NRP1: variants seen among roughly 807,000 people sequenced by gnomAD.
NRP1 encodes the protein neuropilin 1.
A neutral mutation model predicts 106.7 loss-of-function variants in NRP1; 35 were observed. That is an observed-to-expected ratio of 0.33 (90% CI 0.25 to 0.43). NRP1 has a LOEUF of 0.43. Among genes scored for constraint, NRP1 ranks in the 20% least tolerant of loss-of-function variants. The pLI is 1.00. For synonymous variants in NRP1, 437 were observed against 417.9 expected (o/e 1.05, Z -0.56); for missense variants, 1,024 against 1,170.4 (o/e 0.87, Z 1.83).
intron 2 of NRP1, among the ~76,000 whole-genome samples, chr10:33,327,521 T>C (rs2132941108): frequency 6.6e-6 from 1 of 152,320 alleles, no homozygotes; most frequent in Non-Finnish European, 1.5e-5. Flanking sequence ...CCTAGTTTTG[T>C]GCCACCTCCA....
At chr10:33,246,618 C>G (rs1841451323) in intron 6 of NRP1, among the ~76,000 whole-genome samples, 1 of 138,234 alleles carries the variant, frequency 7.2e-6, no homozygotes, top group Non-Finnish European at 1.6e-5. Flanking sequence ...ACAGAGCACA[C>G]CTGGGGAATC....
intron 8 of NRP1, among the ~76,000 whole-genome samples, chr10:33,215,950 T>TG (rs1419759337): frequency 1.3e-5 from 2 of 152,182 alleles, no homozygotes; most frequent in African/African-American, 4.8e-5. Context: ...GGGAGCTTTC[T>TG]TTCTGTTCCC....
intron 4 of NRP1, among the ~76,000 whole-genome samples, chr10:33,260,985 C>CAAA (rs35665366): frequency 0.025 from 1,515 of 60,050 alleles, 127 homozygotes; most frequent in Non-Finnish European, 0.032. Context: ...TGCCATTGAC[C>CAAA]AAAAAAAAAA....
In NRP1 at chr10:33,272,130, C is replaced by T. The variant is rs75811457; in HGVS notation, c.249-1274G>A. On this transcript the variant is annotated intron_variant, in intron 2 of 16. Transcript: ENST00000374867. Reference sequence around the variant, plus strand: ...CAATCTCTTCTCAAACTGCCCGGGACGCATGACTTATGTTTACATAAAGTC... The same window carrying T: ...CAATCTCTTCTCAAACTGCCCGGGATGCATGACTTATGTTTACATAAAGTC... 9.9e-5 allele frequency among the ~76,000 whole-genome samples: 15 copies of T among 152,258 alleles called. No homozygotes were observed. The East Asian group carries it at 2.9e-3, about 29-fold the overall frequency.
At position 33,226,119 on chromosome 10, in the gene NRP1, G is replaced by A. The variant is rs1459031575; in HGVS notation, c.1137+15C>T. The A allele has an allele frequency of 5.0e-6, 8 of 1,612,834 alleles. No individual in the cohort carries two copies. The highest frequency in any genetic ancestry group is 5.9e-6 in the Non-Finnish European group (7 of 1,179,188). On this transcript the variant is annotated intron_variant, in intron 7 of 16. Transcript: ENST00000374867. ...AAAAGACCAAATTGGTTGCCACGGTGGCAGCCTAACTTACAACAGGTTTGT... is the reference window on the plus strand; with the variant it reads ...AAAAGACCAAATTGGTTGCCACGGTAGCAGCCTAACTTACAACAGGTTTGT...
chr10:33,309,440 G>A (rs995560136), intron 2 of NRP1, among the ~76,000 whole-genome samples: 1 of 152,144 alleles, frequency 6.6e-6, no homozygotes. Context: ...AGAAATGCGC[G>A]GTGTCTCTTC....
At chr10:33,264,518 T>C (rs1388123567) in intron 3 of NRP1, among the ~76,000 whole-genome samples, 1 of 152,240 alleles carries the variant, frequency 6.6e-6, no homozygotes, top group Non-Finnish European at 1.5e-5. Context: ...GGAAGTCACC[T>C]GATATCAATG....
At chr10:33,234,145 G>C (rs1437867933) in intron 6 of NRP1, among the ~76,000 whole-genome samples, 4 of 152,130 alleles carry the variant, frequency 2.6e-5, no homozygotes, top group African/African-American at 7.2e-5. Flanking sequence ...GAAATTCATA[G>C]TGCAACCTCT....
chr10:33,327,247 T>A (rs1847954898), intron 2 of NRP1, among the ~76,000 whole-genome samples: 1 of 152,158 alleles, frequency 6.6e-6, no homozygotes, highest in African/African-American at 2.4e-5. Flanking sequence ...GTTCTAAAAA[T>A]CACCAACTTG....
intron 2 of NRP1, among the ~76,000 whole-genome samples, chr10:33,330,307 T>C (rs1848181459): frequency 6.6e-6 from 1 of 151,818 alleles, no homozygotes; most frequent in Non-Finnish European, 1.5e-5. Context: ...AATCACACTA[T>C]CTGTGGATGC....
intron 2 of NRP1, among the ~76,000 whole-genome samples, chr10:33,314,689 G>C (rs1191987525): frequency 1.3e-5 from 2 of 152,102 alleles, no homozygotes; most frequent in African/African-American, 4.8e-5. Context: ...AGAGGGGAGA[G>C]CCCAGGCAGC....
chr10:33,303,392 A>G (rs1276796284), intron 2 of NRP1, among the ~76,000 whole-genome samples: 1 of 152,184 alleles, frequency 6.6e-6, no homozygotes, highest in Non-Finnish European at 1.5e-5. Context: ...TCCATTTACT[A>G]TCTCATTATT....
chr10:33,241,350 A>G (rs775564171), intron 6 of NRP1, among the ~76,000 whole-genome samples: 44 of 152,332 alleles, frequency 2.9e-4, no homozygotes, highest in Admixed American at 2.2e-3. Flanking sequence ...CCAGGAAAAA[A>G]AAATCTATCG....
intron 8 of NRP1, among the ~76,000 whole-genome samples, chr10:33,217,598 A>G (rs1449577415): frequency 6.6e-6 from 1 of 152,228 alleles, no homozygotes; most frequent in African/African-American, 2.4e-5. Flanking sequence ...CAAATAAACA[A>G]CAAAACAAGA....
intron 2 of NRP1, among the ~76,000 whole-genome samples, chr10:33,285,382 T>C (rs577315245): frequency 5.3e-4 from 80 of 152,298 alleles, no homozygotes; most frequent in African/African-American, 1.8e-3. Context: ...ATATTTCAGA[T>C]CCAGTTATAA....
rs140974414 is a variant in NRP1, at chr10:33,322,018, C to A, written c.248+8690G>T. ...AGTGCCTGAGCAGTCTCCCTTTAAC[C>A]CTTACAGAGCCACCGTGGCAAATGC... is the stretch of plus-strand genomic sequence containing the variant. On this transcript the variant is annotated intron_variant, in intron 2 of 16. Transcript: ENST00000374867. Among the ~76,000 whole-genome samples, 361 of 152,250 alleles carry A rather than the reference C, an allele frequency of 2.4e-3. 2 individuals carry two copies. The highest frequency in any genetic ancestry group is 7.9e-3 in the African/African-American group (330 of 41,560).
At chr10:33,313,295 AGGGTCT>A (rs887377873) in intron 2 of NRP1, among the ~76,000 whole-genome samples, 25 of 152,310 alleles carry the variant, frequency 1.6e-4, no homozygotes, top group African/African-American at 4.6e-4. Context: ...AAAGTCAAGG[AGGGTCT>A]GGGCTGGGCT....
chr10:33,243,068 G>A (rs1226251628), intron 6 of NRP1, among the ~76,000 whole-genome samples: 1 of 152,150 alleles, frequency 6.6e-6, no homozygotes, highest in East Asian at 1.9e-4. Context: ...GGACATGAAA[G>A]ATGAACCGTT....
At chr10:33,243,933 T>TTGTGTGTGTGTTTG (rs1841219634) in intron 6 of NRP1, among the ~76,000 whole-genome samples, 2 of 141,440 alleles carry the variant, frequency 1.4e-5, no homozygotes, top group South Asian at 4.6e-4. Flanking sequence ...GGGTAGAGGT[T>TTGTGTGTGTGTTTG]TGTGTGTGTG....
Sources: allele counts gnomAD v4.1 joint callset (sites outside exome capture counted in the v4.1 genomes callset), GRCh38; gene constraint gnomAD v4.1.1; transcripts MANE v1.5; gene names NCBI Gene and HGNC (gene_info 2026-07-23, HGNC 2026-07-21).